Variants in CPNE3 observed in about 807,000 individuals in gnomAD.
CPNE3 encodes the protein copine 3, also known as copine-3.
A neutral mutation model predicts 63.9 loss-of-function variants in CPNE3; 68 were observed. The ratio of observed to expected loss-of-function variants is 1.06; its 90% CI spans 0.87 to 1.30. CPNE3 has a LOEUF of 1.30. CPNE3 is among the 50% of genes most tolerant of loss of function. The probability of loss-of-function intolerance (pLI) is 0.00; values close to 1 mark genes in which losing one functional copy is unlikely to be tolerated. For synonymous variants in CPNE3, 219 were observed against 197.5 expected (o/e 1.11, Z -0.91); for missense variants, 665 against 578.1 (o/e 1.15, Z -1.54).
At chr8:86,554,558 T>C (rs996235071) in intron 14 of CPNE3, among the ~76,000 whole-genome samples, 1 of 152,202 alleles carries the variant, frequency 6.6e-6, no homozygotes, top group Non-Finnish European at 1.5e-5. Flanking sequence ...ATTCCCAACA[T>C]GTATTAAAAA....
intron 8 of CPNE3, among the ~76,000 whole-genome samples, chr8:86,541,140 G>T (rs1820928659): frequency 6.6e-6 from 1 of 152,150 alleles, no homozygotes; most frequent in Non-Finnish European, 1.5e-5. Context: ...AAAGCAGGCA[G>T]GATAATGAGG....
intron 6 of CPNE3, among the ~76,000 whole-genome samples, chr8:86,534,684 T>C (rs1387056329): frequency 6.6e-6 from 1 of 152,088 alleles, no homozygotes; most frequent in Non-Finnish European, 1.5e-5. Flanking sequence ...ATTTGTAAAA[T>C]AGTGATATCG....
chr8:86,514,627 C>T (rs1820223001), intron 1 of CPNE3, 86 bp downstream of exon 1: 1 of 152,226 alleles, frequency 6.6e-6, no homozygotes. Context: ...AAGTCCTGGC[C>T]TGGAGGATCC....
In CPNE3 at chr8:86,540,319, G is replaced by A; in HGVS notation, c.618G>A (p.Met206Ile). ...ISLNSLCYGD[M>I]DKTIKVECYD... Reference sequence around the variant, plus strand: ...TTAACTCACTGTGTTACGGAGATATGGACAAAACCATTAAGGTAAGTTGAA... The same window carrying A: ...TTAACTCACTGTGTTACGGAGATATAGACAAAACCATTAAGGTAAGTTGAA... The change falls in exon 8 of 17, where the codon ATG becomes ATA. Residue 206 changes from methionine to isoleucine, a missense_variant. By Grantham distance (10) the Met-to-Ile change is conservative. Transcript: ENST00000517490. 1 of 1,509,502 alleles carries A rather than the reference G, an allele frequency of 6.6e-7. No individual in the cohort carries two copies. Among genetic ancestry groups the A allele is most frequent in the Non-Finnish European group, 8.9e-7 (1 of 1,128,728 alleles). 93.5% of individuals were successfully genotyped at this position (1,509,502 alleles called of 1,614,324 possible). A position where few individuals can be genotyped will look rare whatever the true frequency, so the allele number is the denominator to read the frequency against.
At chr8:86,542,984 G>A (rs1380832209) in intron 8 of CPNE3, among the ~76,000 whole-genome samples, 1 of 151,850 alleles carries the variant, frequency 6.6e-6, no homozygotes, top group Non-Finnish European at 1.5e-5. Flanking sequence ...GATATAAATT[G>A]GTGTTCCCTG....
chr8:86,556,696 G>A (rs78877744), intron 16 of CPNE3, among the ~76,000 whole-genome samples: 2,031 of 152,268 alleles, frequency 0.013, 15 homozygotes, highest in Middle Eastern at 0.024. Flanking sequence ...GTTTACTCCA[G>A]TAGTAACATA....
In CPNE3 at chr8:86,554,595, G is replaced by T. The variant is rs533823476; in HGVS notation, c.1121-256G>T. Among the ~76,000 whole-genome samples, 149 of 152,242 alleles carry T rather than the reference G, an allele frequency of 9.8e-4. 1 individual carries two copies. The highest frequency in any genetic ancestry group is 3.4e-3 in the African/African-American group (142 of 41,544). Reference sequence around the variant, plus strand: ...TAAGCACAGATGTAACAGTCCTACCGTAGACTAATAAGTAATTTGACTGAG... The same window carrying T: ...TAAGCACAGATGTAACAGTCCTACCTTAGACTAATAAGTAATTTGACTGAG... On this transcript the variant is annotated intron_variant, in intron 14 of 16. Transcript: ENST00000517490.
At chr8:86,529,201 C>A in intron 4 of CPNE3, 77 bp downstream of exon 4, 1 of 1,289,086 alleles carries the variant, frequency 7.8e-7, no homozygotes, top group Non-Finnish European at 1.1e-6. Context: ...TGGTAAGCAG[C>A]ATTTAATTTT....
At chr8:86,521,758 A>G (rs578064155) in intron 2 of CPNE3, 12 of 152,078 alleles carry the variant, frequency 7.9e-5, no homozygotes, top group Non-Finnish European at 1.8e-4. Flanking sequence ...TTTTTTTCCT[A>G]ATATATACTA....
chr8:86,551,870 G>A (rs1276381648), intron 14 of CPNE3, among the ~76,000 whole-genome samples: 1 of 152,158 alleles, frequency 6.6e-6, no homozygotes, highest in Non-Finnish European at 1.5e-5. Context: ...TGTTGGCCAG[G>A]CTGGTCTTGA....
At chr8:86,557,006 G>GTTA (rs1230355743) in intron 16 of CPNE3, among the ~76,000 whole-genome samples, 1 of 152,126 alleles carries the variant, frequency 6.6e-6, no homozygotes, top group Non-Finnish European at 1.5e-5. Context: ...TTATTGCTGA[G>GTTA]TCATATTCCA....
chr8:86,555,577 T>A (rs1162356783), intron 15 of CPNE3, among the ~76,000 whole-genome samples: 1 of 152,232 alleles, frequency 6.6e-6, no homozygotes, highest in East Asian at 1.9e-4. Flanking sequence ...ATGGAGTCAC[T>A]ACTTGATGTA....
intron 10 of CPNE3, among the ~76,000 whole-genome samples, chr8:86,547,069 T>C (rs909329787): frequency 6.6e-6 from 1 of 152,198 alleles, no homozygotes. Context: ...TTAGTATGTT[T>C]ATATTAAACA....
chr8:86,546,091 C>G (rs1026446288), intron 9 of CPNE3, among the ~76,000 whole-genome samples: 5 of 152,008 alleles, frequency 3.3e-5, no homozygotes, highest in Non-Finnish European at 7.4e-5. Flanking sequence ...AACATGTATT[C>G]CCAGTGGAAA....
At position 86,528,901 on chromosome 8, in the gene CPNE3, C is replaced by T. The variant is rs375057293; in HGVS notation, c.133-44C>T. 7.0e-5 allele frequency: 107 copies of T among 1,537,712 alleles called. 1 individual carries two copies. Among genetic ancestry groups the T allele is most frequent in the South Asian group, 5.6e-4 (47 of 84,506 alleles). ...ATAAAGATGTGAAAATCCAAGTGCA[C>T]CTTTGATCTGAAGAAACTTTTTTGT... On this transcript the variant is annotated intron_variant, in intron 3 of 16. Coordinates refer to ENST00000517490, the MANE Select transcript of CPNE3 (RefSeq NM_003909.5).
intron 14 of CPNE3, chr8:86,551,442 G>A (rs1183205373): frequency 3.8e-6 from 2 of 530,664 alleles, no homozygotes; most frequent in Admixed American, 3.4e-5. Context: ...GTAATTACGG[G>A]GCAAATCAGT....
rs201767063 is a variant in CPNE3, at chr8:86,548,326, A to G, written c.905A>G (p.Asn302Ser). The G allele has an allele frequency of 5.5e-5, 88 of 1,614,082 alleles. No individual in the cohort carries two copies. In the Admixed American group the frequency reaches 6.2e-4, roughly 11 times the overall value. ...GTGGGAGTGGACTTCACTGGCTCCA[A>G]TGGTGACCCAAGGTCTCCAGACTCC... ...FTVGVDFTGS[N>S]GDPRSPDSLH... The change falls in exon 12 of 17, where the codon AAT becomes AGT. Residue 302 changes from asparagine to serine, a missense_variant. Transcript: ENST00000517490.
At position 86,529,012 on chromosome 8, in the gene CPNE3, A is replaced by G; in HGVS notation, c.200A>G (p.Tyr67Cys). Residue 67 changes from tyrosine to cysteine, a missense_variant, in exon 4 of 17, where the codon TAC (tyrosine) becomes TGC (cysteine). Physicochemically the swap from Tyr to Cys is radical, Grantham distance 194. Transcript: ENST00000517490. ...TTTTCCAAGACATTTATTATTGATT[A>G]CTACTTTGAAGTGGTTCAGAAATTG... ...PQFSKTFIID[Y>C]YFEVVQKLKF... 1 of 1,613,634 alleles carries G rather than the reference A, an allele frequency of 6.2e-7. No homozygotes were observed. Among genetic ancestry groups the G allele is most frequent in the Non-Finnish European group, 8.5e-7 (1 of 1,179,578 alleles).
chr8:86,528,784 GT>G, intron 3 of CPNE3, 107 bp downstream of exon 3: 1 of 1,417,654 alleles, frequency 7.1e-7, no homozygotes, highest in Non-Finnish European at 9.4e-7. Context: ...TGTTAATGGA[GT>G]TTTTTGTGAA....
Sources: gnomAD v4.1 joint callset for allele counts (sites outside exome capture counted in the v4.1 genomes callset) on GRCh38, gnomAD v4.1.1 for gene constraint, MANE v1.5 for transcripts, NCBI Gene and HGNC (gene_info 2026-07-23, HGNC 2026-07-21) for gene names.